The following KCNJ6 variants were observed in gnomAD, a reference collection of about 807,000 sequenced individuals.
KCNJ6 encodes potassium inwardly rectifying channel subfamily J member 6, also known as G protein-activated inward rectifier potassium channel 2.
KCNJ6 carries 9 observed loss-of-function variants against 34.2 expected under a neutral mutation model. That is an observed-to-expected ratio of 0.26 (90% CI 0.16 to 0.46). KCNJ6 has a LOEUF of 0.46. Ranked by LOEUF, KCNJ6 falls within the 20% of genes least tolerant of loss-of-function variation. The pLI, the probability that KCNJ6 is intolerant of heterozygous loss-of-function variation, is 1.00. For synonymous variants in KCNJ6, 196 were observed against 207.1 expected (o/e 0.95, Z 0.46); for missense variants, 236 against 531.3 (o/e 0.44, Z 5.46).
chr21:37,794,758 A>G (rs543011845), intron 2 of KCNJ6, among the ~76,000 whole-genome samples: 1 of 152,262 alleles, frequency 6.6e-6, no homozygotes, highest in East Asian at 1.9e-4. Flanking sequence ...GGAGAACATT[A>G]GGACAAATAC....
chr21:37,627,230 G>A (rs969660035), intron 3 of KCNJ6, among the ~76,000 whole-genome samples: 2 of 152,148 alleles, frequency 1.3e-5, no homozygotes, highest in Non-Finnish European at 2.9e-5. Context: ...CAGCCCTCAC[G>A]CCAGCTCTGT....
chr21:37,711,725 T>A (rs2054753315), intron 3 of KCNJ6, among the ~76,000 whole-genome samples: 1 of 152,086 alleles, frequency 6.6e-6, no homozygotes, highest in Admixed American at 6.5e-5. Context: ...CTGGGGGTAC[T>A]GAGTTGTATG....
intron 1 of KCNJ6, among the ~76,000 whole-genome samples, chr21:37,913,631 A>T (rs2055877703): frequency 6.6e-6 from 1 of 152,136 alleles, no homozygotes; most frequent in African/African-American, 2.4e-5. Context: ...CAGCCTGACC[A>T]ACATGGTGAA....
intron 2 of KCNJ6, among the ~76,000 whole-genome samples, chr21:37,735,952 G>C (rs766774776): frequency 3.9e-5 from 6 of 152,188 alleles, no homozygotes; most frequent in Non-Finnish European, 7.3e-5. Flanking sequence ...GGAAGCACAT[G>C]GGGTCAGCAC....
chr21:37,870,292 A>G lies in KCNJ6; in HGVS notation c.-27-29583T>C, dbSNP rs1470639864. ...CACATGGCATTGTATCTCTGGTGAGATAAATTAAAGATCTGAAAGCAATAT... is the reference window on the plus strand; with the variant it reads ...CACATGGCATTGTATCTCTGGTGAGGTAAATTAAAGATCTGAAAGCAATAT... On this transcript the variant is annotated intron_variant, in intron 1 of 3. Transcript: ENST00000609713. 3.6e-5 allele frequency among the ~76,000 whole-genome samples: 5 copies of G among 138,570 alleles called. No homozygotes were observed. The East Asian group carries it at 1.2e-3, about 33-fold the overall frequency. 90.9% of individuals were successfully genotyped at this position (138,570 alleles called of 152,430 possible).
At chr21:37,738,346 C>T (rs2054923837) in intron 2 of KCNJ6, among the ~76,000 whole-genome samples, 1 of 152,100 alleles carries the variant, frequency 6.6e-6, no homozygotes, top group Admixed American at 6.5e-5. Flanking sequence ...TGCTTCTCCC[C>T]CCTGGGGCCC....
chr21:37,668,099 C>T (rs959075664), intron 3 of KCNJ6, among the ~76,000 whole-genome samples: 17 of 152,150 alleles, frequency 1.1e-4, no homozygotes, highest in African/African-American at 2.9e-4. Context: ...CCCTTGGGGA[C>T]GGAGCCCACA....
chr21:37,639,058 G>A (rs2054370104), intron 3 of KCNJ6, among the ~76,000 whole-genome samples: 1 of 152,222 alleles, frequency 6.6e-6, no homozygotes, highest in Non-Finnish European at 1.5e-5. Flanking sequence ...TCCCAATAAT[G>A]TACCAGTAGG....
At chr21:37,668,394 C>T (rs933618172) in intron 3 of KCNJ6, among the ~76,000 whole-genome samples, 1 of 152,126 alleles carries the variant, frequency 6.6e-6, no homozygotes, top group Non-Finnish European at 1.5e-5. Context: ...GATGCCCTCT[C>T]CTCCCTGGGT....
rs576849315 is a variant in KCNJ6 at position 37,916,178 on chromosome 21, C to T, written c.-322G>A. ...AGGTGCGGCCGTCTCCGGACTGGCT[C>T]CCTCTGGCCGAGCGCGGAGAGCAGG... On this transcript the variant is annotated 5_prime_UTR_variant, in exon 1 of 4. Transcript: ENST00000609713. 3.3e-5 allele frequency: 5 copies of T among 152,198 alleles called. No individual in the cohort carries two copies. Among genetic ancestry groups the T allele is most frequent in the African/African-American group, 1.2e-4 (5 of 41,544 alleles). The allele number at this position is 152,198 out of a possible 1,614,324, so 9.4% of individuals were successfully genotyped here. A position where few individuals can be genotyped will look rare whatever the true frequency, so the allele number is the denominator to read the frequency against.
In KCNJ6 at chr21:37,613,119, A is replaced by T. The variant is rs956212091; in HGVS notation, c.*12040T>A. 1 of 152,102 alleles carries T rather than the reference A, an allele frequency of 6.6e-6. No individual in the cohort carries two copies. The highest frequency in any genetic ancestry group is 1.5e-5 in the Non-Finnish European group (1 of 68,006). 9.4% of individuals were successfully genotyped at this position (152,102 alleles called of 1,614,324 possible). ...TAAGAAAACAACCCGATTTAAAAAA[A>T]TGCCCAAAAGACCTGAACAGACACC... On this transcript the variant is annotated 3_prime_UTR_variant, in exon 4 of 4. Transcript: ENST00000609713.
chr21:37,646,951 G>T (rs1308891434), intron 3 of KCNJ6, among the ~76,000 whole-genome samples: 2 of 152,154 alleles, frequency 1.3e-5, no homozygotes, highest in African/African-American at 4.8e-5. Context: ...GGGATTACAG[G>T]CCTGAGCCAC....
At chr21:37,656,424 AC>A (rs1286741240) in intron 3 of KCNJ6, among the ~76,000 whole-genome samples, 1 of 152,100 alleles carries the variant, frequency 6.6e-6, no homozygotes, top group Non-Finnish European at 1.5e-5. Context: ...GCAGCTGCAG[AC>A]CCAGGCTGAG....
chr21:37,715,717 T>C (rs897920029), intron 2 of KCNJ6, among the ~76,000 whole-genome samples: 5 of 152,108 alleles, frequency 3.3e-5, no homozygotes, highest in Non-Finnish European at 5.9e-5. Context: ...GGTATCCTTA[T>C]GCGAAGAGGG....
At chr21:37,661,294 G>C (rs1439502124) in intron 3 of KCNJ6, among the ~76,000 whole-genome samples, 2 of 152,108 alleles carry the variant, frequency 1.3e-5, no homozygotes, top group Non-Finnish European at 2.9e-5. Context: ...AAGATAGGTG[G>C]GTTCTAATTA....
At chr21:37,730,118 G>C (rs2835916) in intron 2 of KCNJ6, among the ~76,000 whole-genome samples, 53,843 of 152,104 alleles carry the variant, frequency 0.35, 9,792 homozygotes, top group South Asian at 0.44. Context: ...CTGAGAGCAA[G>C]AAGAAATCTA....
chr21:37,625,212 G>T lies in KCNJ6; in HGVS notation c.1219C>A (p.Gln407Lys). Reference protein sequence around the residue: ...TEEEEKNLEEQTERNGDVANL... With the variant: ...TEEEEKNLEEKTERNGDVANL... ...GCCACATCACCATTTCTTTCTGTTTGCTCTTCGAGGTTCTTTTCTTCCTCT... is the reference window on the plus strand; with the variant it reads ...GCCACATCACCATTTCTTTCTGTTTTCTCTTCGAGGTTCTTTTCTTCCTCT... Residue 407 changes from glutamine to lysine, a missense_variant, in exon 4 of 4, where the codon CAA (glutamine) becomes AAA (lysine). By Grantham distance (53) the Gln-to-Lys change is moderately conservative. Coordinates refer to ENST00000609713, the MANE Select transcript of KCNJ6 (RefSeq NM_002240.5). The T allele has an allele frequency of 6.2e-7, 1 of 1,614,194 alleles. No homozygotes were observed. The highest frequency in any genetic ancestry group is 8.5e-7 in the Non-Finnish European group (1 of 1,180,030).
chr21:37,914,080 C>T (rs545672846), intron 1 of KCNJ6, among the ~76,000 whole-genome samples: 12 of 151,376 alleles, frequency 7.9e-5, no homozygotes, highest in African/African-American at 2.4e-4. Flanking sequence ...TTTTCTCCCC[C>T]TGAGGACAGA....
At chr21:37,797,672 T>C (rs1568852218) in intron 2 of KCNJ6, among the ~76,000 whole-genome samples, 1 of 151,962 alleles carries the variant, frequency 6.6e-6, no homozygotes, top group Non-Finnish European at 1.5e-5. Flanking sequence ...CTTTTCAACA[T>C]CCTCACAACT....
Sources: allele counts gnomAD v4.1 joint callset (sites outside exome capture counted in the v4.1 genomes callset), GRCh38; gene constraint gnomAD v4.1.1; transcripts MANE v1.5; gene names NCBI Gene and HGNC (gene_info 2026-07-23, HGNC 2026-07-21).